Variants in ASMT observed in about 807,000 individuals in gnomAD.
ASMT encodes acetylserotonin O-methyltransferase, also known as acetylserotonin N-methyltransferase.
Under a neutral mutation model 41.3 loss-of-function variants are expected in ASMT, and 53 were observed. That is an observed-to-expected ratio of 1.28 (90% CI 1.03 to 1.61). The LOEUF (loss-of-function observed/expected upper bound fraction) is 1.61, where lower values mean the gene tolerates loss of function less well. ASMT is among the 40% of genes most tolerant of loss of function. ASMT has a pLI of 0.00. For synonymous variants in ASMT, 231 were observed against 184.8 expected (o/e 1.25, Z -2.03); for missense variants, 531 against 441.3 (o/e 1.20, Z -1.82).
At chrX:1,621,577 C>T (rs866846407) in intron 1 of ASMT, among the ~76,000 whole-genome samples, 1 of 152,188 alleles carries the variant, frequency 6.6e-6, no homozygotes, top group Non-Finnish European at 1.5e-5. Flanking sequence ...CTCGGCCTCC[C>T]AGAATGTTGG....
rs756090571 is a variant in ASMT at position 1,625,357 on chromosome X, A to C, written c.374+959A>C. On this transcript the variant is annotated intron_variant, in intron 3 of 8. Transcript: ENST00000381241. Reference sequence around the variant, plus strand: ...CTGACCTCGTGATCTGCCTGCCTACATGGTGGCAGGCACCTGTAGTCCCAG... The same window carrying C: ...CTGACCTCGTGATCTGCCTGCCTACCTGGTGGCAGGCACCTGTAGTCCCAG... Among the ~76,000 whole-genome samples, 110 of 150,862 alleles carry C rather than the reference A, an allele frequency of 7.3e-4. No homozygotes were observed. The South Asian group carries it at 0.017, about 24-fold the overall frequency.
intron 1 of ASMT, among the ~76,000 whole-genome samples, chrX:1,615,789 A>G (rs190166677): frequency 0.017 from 2,602 of 151,940 alleles, 40 homozygotes; most frequent in Non-Finnish European, 0.024. Flanking sequence ...GGGACACAGC[A>G]AGACTCTGTG....
intron 1 of ASMT, among the ~76,000 whole-genome samples, chrX:1,622,451 C>T (rs4933103): frequency 0.13 from 18,776 of 144,470 alleles, 1,254 homozygotes; most frequent in East Asian, 0.17. Flanking sequence ...CCACCACGCC[C>T]GGCTAATTTT....
chrX:1,624,038 C>G (rs1336508964), intron 2 of ASMT, among the ~76,000 whole-genome samples: 1 of 152,006 alleles, frequency 6.6e-6, no homozygotes, highest in African/African-American at 2.4e-5. Flanking sequence ...CCCAAACTCC[C>G]GATGGGGATT....
chrX:1,635,847 A>G (rs1934938070), intron 7 of ASMT, among the ~76,000 whole-genome samples: 1 of 151,710 alleles, frequency 6.6e-6, no homozygotes. Flanking sequence ...GGGCAACAAG[A>G]GCAAAACTCC....
rs748565533 is a variant in ASMT at position 1,636,422 on chromosome X, C to T, written c.788-16C>T. On this transcript the variant is annotated splice_polypyrimidine_tract_variant and intron_variant, in intron 7 of 8. Transcript: ENST00000381241. ...GGATTGCAGGCTGACCTCGGTGTGC[C>T]TGCCCTGTGTTCCAGGGGATTTCTT... The T allele has an allele frequency of 6.2e-7, 1 of 1,613,870 alleles. No individual in the cohort carries two copies. The highest frequency in any genetic ancestry group is 1.7e-5 in the Admixed American group (1 of 59,996).
At position 1,622,360 on chromosome X, in the gene ASMT, G is replaced by A. The variant is rs185377733; in HGVS notation, c.70-779G>A. Among the ~76,000 whole-genome samples the A allele has an allele frequency of 4.5e-3, 681 of 149,944 alleles. 4 individuals carry two copies. The highest frequency in any genetic ancestry group is 0.016 in the African/African-American group (653 of 40,686). ...GCTTGGAGTGCAGTGGTGAGATCTC[G>A]GCTCACTGCAACCTCCGCTTAGCAG... On this transcript the variant is annotated intron_variant, in intron 1 of 8. Coordinates refer to ENST00000381241, the MANE Select transcript of ASMT (RefSeq NM_001171038.2).
intron 4 of ASMT, among the ~76,000 whole-genome samples, chrX:1,629,502 G>A (rs1207103062): frequency 2.0e-5 from 3 of 152,196 alleles, no homozygotes. Flanking sequence ...CTGGGGCTGA[G>A]CTCTGTGGAT....
chrX:1,636,552 G>T lies in ASMT; in HGVS notation c.902G>T (p.Cys301Phe). Residue 301 changes from cysteine to phenylalanine, a missense_variant, in exon 8 of 9, where the codon TGC (cysteine) becomes TTC (phenylalanine). Cys to Phe is a radical substitution (Grantham distance 205). Coordinates refer to ENST00000381241, the MANE Select transcript of ASMT (RefSeq NM_001171038.2). The part of the protein sequence containing the change: ...SHLLERIYHT[C>F]KPGGGILVIE... ...CTGCTGGAGAGGATCTACCACACTT[G>T]CAAGCCAGGTAAGTTGTGGGGTTTG... 2 of 1,610,852 alleles carry T rather than the reference G, an allele frequency of 1.2e-6. No individual in the cohort carries two copies.
intron 1 of ASMT, among the ~76,000 whole-genome samples, chrX:1,616,739 C>T (rs185996988): frequency 0.018 from 2,682 of 150,662 alleles, 135 homozygotes; most frequent in Non-Finnish European, 0.028. Flanking sequence ...GACAGAGTCT[C>T]GCTCTGTCGC....
chrX:1,636,323 C>T (rs1253411530), intron 7 of ASMT, 115 bp from the exon 8 acceptor site: 1 of 1,492,190 alleles, frequency 6.7e-7, no homozygotes, highest in Non-Finnish European at 9.4e-7. Flanking sequence ...GGTGACTAGC[C>T]TGGAAGACCT....
At chrX:1,623,411 A>T in intron 2 of ASMT, 98 bp downstream of exon 2, 5 of 1,455,100 alleles carry the variant, frequency 3.4e-6, no homozygotes, top group Non-Finnish European at 4.8e-6. Flanking sequence ...CCTGGCTCAC[A>T]CAGTGAAACC....
At chrX:1,629,566 A>G (rs1287548343) in intron 4 of ASMT, among the ~76,000 whole-genome samples, 2 of 152,168 alleles carry the variant, frequency 1.3e-5, no homozygotes, top group African/African-American at 4.8e-5. Context: ...TCCTCTTCAG[A>G]TAGAAATCCC....
intron 2 of ASMT, 81 bp from the exon 3 acceptor site, chrX:1,624,188 A>G: frequency 6.5e-7 from 1 of 1,547,276 alleles, no homozygotes; most frequent in Non-Finnish European, 8.9e-7. Flanking sequence ...TGAAATCACG[A>G]TGTTGTCGAG....
chrX:1,620,287 T>G, intron 1 of ASMT, among the ~76,000 whole-genome samples: 1 of 144,042 alleles, frequency 6.9e-6, no homozygotes, highest in Non-Finnish European at 1.5e-5. Flanking sequence ...TTCTCCTGCC[T>G]CAGCCTCCCG....
At chrX:1,637,211 TG>T (rs1935025224) in intron 8 of ASMT, among the ~76,000 whole-genome samples, 1 of 32,640 alleles carries the variant, frequency 3.1e-5, no homozygotes, top group Admixed American at 3.3e-4. Flanking sequence ...TCCATCCTGA[TG>T]GCACATGAGG....
chrX:1,631,544 ATTACTT>A (rs1934776889), intron 5 of ASMT, among the ~76,000 whole-genome samples: 1 of 152,012 alleles, frequency 6.6e-6, no homozygotes, highest in African/African-American at 2.4e-5. Context: ...CTCCAAGTTT[ATTACTT>A]TTAGTCACTG....
chrX:1,628,876 TTTCTCCTCCTCTC>T (rs1934660650), intron 4 of ASMT, among the ~76,000 whole-genome samples: 1 of 150,304 alleles, frequency 6.7e-6, no homozygotes, highest in Admixed American at 6.7e-5. Context: ...TTCACCTCCT[TTTCTCCTCCTCTC>T]TTCTCCTCGG....
intron 7 of ASMT, 47 bp downstream of exon 7, chrX:1,633,337 C>T: frequency 6.2e-7 from 1 of 1,611,832 alleles, no homozygotes; most frequent in Non-Finnish European, 8.5e-7. Context: ...CACGGCTTCT[C>T]CAGGGGGACT....
Sources: allele counts gnomAD v4.1 joint callset (sites outside exome capture counted in the v4.1 genomes callset), GRCh38; gene constraint gnomAD v4.1.1; transcripts MANE v1.5; gene names NCBI Gene and HGNC (gene_info 2026-07-23, HGNC 2026-07-21).